SELENOF: variants seen among roughly 807,000 people sequenced by gnomAD.
The protein encoded by SELENOF is selenoprotein F.
A neutral mutation model predicts 20.5 loss-of-function variants in SELENOF; 16 were observed. The ratio of observed to expected loss-of-function variants is 0.78; its 90% confidence interval spans 0.53 to 1.19. The LOEUF is 1.19. Ranked by LOEUF, SELENOF falls within the 50% of genes most tolerant of loss-of-function variation. The pLI is 0.00. For synonymous variants in SELENOF, 78 were observed against 74.5 expected, an observed-to-expected ratio of 1.05 and a Z score of -0.24; for missense variants, 215 against 194.2, an observed-to-expected ratio of 1.11 and a Z score of -0.64.
chr1:86,905,660 A>C (rs946825820), intron 1 of SELENOF, among the ~76,000 whole-genome samples: 4 of 152,198 alleles, frequency 2.6e-5, no homozygotes, highest in African/African-American at 9.7e-5. Flanking sequence ...CAGTTTTCAT[A>C]TATCTGTTGG....
intron 1 of SELENOF, among the ~76,000 whole-genome samples, chr1:86,913,394 A>T (rs1297733762): frequency 7.5e-6 from 1 of 133,638 alleles, no homozygotes; most frequent in African/African-American, 3.6e-5. Context: ...TGAAATAAAA[A>T]ACGCTGCCTT....
chr1:86,886,047 C>T (rs1295547515), intron 2 of SELENOF, among the ~76,000 whole-genome samples: 2 of 152,140 alleles, frequency 1.3e-5, no homozygotes, highest in Non-Finnish European at 2.9e-5. Context: ...AGGGATATTA[C>T]TCATTGTTCG....
At chr1:86,900,089 TC>T (rs970067824) in intron 2 of SELENOF, among the ~76,000 whole-genome samples, 1 of 149,778 alleles carries the variant, frequency 6.7e-6, no homozygotes, top group African/African-American at 2.5e-5. Context: ...GCAGAGACGC[TC>T]CTCACTTTCC....
At chr1:86,870,381 T>A (rs539953430) in intron 3 of SELENOF, among the ~76,000 whole-genome samples, 1 of 152,222 alleles carries the variant, frequency 6.6e-6, no homozygotes, top group Non-Finnish European at 1.5e-5. Flanking sequence ...TTCCAGATAT[T>A]CTGCAAACTC....
At chr1:86,910,262 C>CTG (rs1659945570) in intron 1 of SELENOF, among the ~76,000 whole-genome samples, 1 of 152,132 alleles carries the variant, frequency 6.6e-6, no homozygotes, top group South Asian at 2.1e-4. Flanking sequence ...GAGAAAAAGG[C>CTG]TGTGTATGAT....
intron 2 of SELENOF, among the ~76,000 whole-genome samples, chr1:86,899,767 C>G (rs1305591062): frequency 1.3e-5 from 2 of 150,686 alleles, no homozygotes; most frequent in South Asian, 2.1e-4. Flanking sequence ...GGCTGCCGGG[C>G]GGAGGGGCTC....
chr1:86,902,669 G>A (rs1303916619), intron 2 of SELENOF, among the ~76,000 whole-genome samples: 2 of 152,132 alleles, frequency 1.3e-5, no homozygotes, highest in Non-Finnish European at 2.9e-5. Context: ...GAGTTTTGAT[G>A]AAAATATTTA....
intron 1 of SELENOF, among the ~76,000 whole-genome samples, chr1:86,911,229 TCTA>T (rs1202171135): frequency 6.6e-6 from 1 of 152,224 alleles, no homozygotes; most frequent in African/African-American, 2.4e-5. Flanking sequence ...AAGTGATTTC[TCTA>T]CTAAGAACAG....
chr1:86,898,176 C>T (rs1415320225), intron 2 of SELENOF, among the ~76,000 whole-genome samples: 7 of 152,024 alleles, frequency 4.6e-5, no homozygotes, highest in African/African-American at 9.7e-5. Flanking sequence ...AAATTATACC[C>T]GGGTTGTGAG....
In SELENOF at chr1:86,893,425, G is replaced by A. The variant is rs551210190; in HGVS notation, c.252+9856C>T. On this transcript the variant is annotated intron_variant, in intron 2 of 4. Coordinates refer to ENST00000331835, the MANE Select transcript of SELENOF (RefSeq NM_004261.5). The stretch of plus-strand genomic sequence containing the variant: ...CGTCTAGACCATCCTGGCCAACATG[G>A]TGAAACCCCATCTCTACTAAAATAC... Among the ~76,000 whole-genome samples the A allele has an allele frequency of 1.2e-3, 172 of 149,230 alleles. 1 individual carries two copies. The highest frequency in any genetic ancestry group is 4.0e-3 in the African/African-American group (161 of 40,362).
chr1:86,901,903 T>C (rs758226263), intron 2 of SELENOF, among the ~76,000 whole-genome samples: 1 of 152,202 alleles, frequency 6.6e-6, no homozygotes, highest in South Asian at 2.1e-4. Flanking sequence ...CAAGGGGGTG[T>C]GTGTGGTAAA....
intron 2 of SELENOF, among the ~76,000 whole-genome samples, chr1:86,893,524 TGGGGAATTGCTTGAAACCGGGAGGCA>T: frequency 7.0e-6 from 1 of 143,374 alleles, no homozygotes; most frequent in African/African-American, 2.7e-5. Flanking sequence ...AGGCTGAGGC[TGGGGAATTGCTTGAAACCGGGAGGCA>T]GAGGTTGCAG....
chr1:86,866,230 C>CTGTGTGTGTGTG (rs60714256), intron 4 of SELENOF, among the ~76,000 whole-genome samples: 6,653 of 113,538 alleles, frequency 0.059, 258 homozygotes, highest in East Asian at 0.13. Context: ...GTGTGTGTCT[C>CTGTGTGTGTGTG]TGTGTGTGTG....
chr1:86,886,590 G>T (rs1659226573), intron 2 of SELENOF, among the ~76,000 whole-genome samples: 1 of 151,946 alleles, frequency 6.6e-6, no homozygotes, highest in Non-Finnish European at 1.5e-5. Flanking sequence ...ATTAAACTTG[G>T]TTTTTATCCT....
At chr1:86,880,768 A>T in intron 2 of SELENOF, 43 bp from the exon 3 acceptor site, 1 of 1,171,566 alleles carries the variant, frequency 8.5e-7, no homozygotes, top group Non-Finnish European at 1.2e-6. Flanking sequence ...GGTATAAATT[A>T]AAAATGTACT....
chr1:86,883,866 T>C (rs1035640961), intron 2 of SELENOF, among the ~76,000 whole-genome samples: 2 of 152,158 alleles, frequency 1.3e-5, no homozygotes, highest in African/African-American at 4.8e-5. Flanking sequence ...AACCCACTCA[T>C]GGGAAGCTTG....
intron 1 of SELENOF, among the ~76,000 whole-genome samples, chr1:86,906,903 A>G (rs1426501877): frequency 6.6e-6 from 1 of 152,258 alleles, no homozygotes; most frequent in Admixed American, 6.5e-5. Context: ...AAGAGGCAAT[A>G]AGAGTGAAAT....
intron 2 of SELENOF, among the ~76,000 whole-genome samples, chr1:86,893,400 C>T (rs1015574022): frequency 8.1e-5 from 12 of 148,830 alleles, no homozygotes; most frequent in Non-Finnish European, 1.0e-4. Flanking sequence ...GTCAGGAGAT[C>T]GTCTAGACCA....
At chr1:86,873,044 A>AAAAT (rs71582985) in intron 3 of SELENOF, among the ~76,000 whole-genome samples, 12,928 of 141,566 alleles carry the variant, frequency 0.091, 659 homozygotes, top group Middle Eastern at 0.12. Flanking sequence ...GACTCCGTCT[A>AAAAT]AAATAAATAA....
Sources: allele counts gnomAD v4.1 joint callset (sites outside exome capture counted in the v4.1 genomes callset), GRCh38; gene constraint gnomAD v4.1.1; transcripts MANE v1.5; gene names NCBI Gene and HGNC (gene_info 2026-07-23, HGNC 2026-07-21).